Variants in PRKG1 observed in about 807,000 individuals in gnomAD.
PRKG1 encodes the protein protein kinase cGMP-dependent 1.
PRKG1 carries 35 observed loss-of-function variants against 88.1 expected under a neutral mutation model. The observed-to-expected ratio is 0.40, with a 90% CI of 0.30 to 0.53. The LOEUF is 0.53. Ranked by LOEUF, PRKG1 falls within the 20% of genes least tolerant of loss-of-function variation. PRKG1 has a pLI of 0.59. For missense variants in PRKG1, 540 were observed against 839.8 expected, an observed-to-expected ratio of 0.64 and a Z score of 4.41; for synonymous variants, 303 against 292.5, an observed-to-expected ratio of 1.04 and a Z score of -0.37.
In PRKG1 at chr10:51,627,990, T is replaced by TTC. The variant is rs1304960390; in HGVS notation, c.592+160174_592+160175dup. Among the ~76,000 whole-genome samples, 19 of 36,206 alleles carry TTC rather than the reference T, an allele frequency of 5.2e-4. No homozygotes were observed. In the East Asian group the frequency reaches 9.0e-3, roughly 17 times the overall value. The allele number at this position is 36,206 out of a possible 152,430, so 23.8% of individuals were successfully genotyped here. A position where few individuals can be genotyped will look rare whatever the true frequency, so the allele number is the denominator to read the frequency against. ...TCTTTCTCTTTCTTTCTTTCTTTCT[T>TTC]TCTCTCTCTCTCTCTCTCTCTTTCT... On this transcript the variant is annotated intron_variant, in intron 3 of 17. Transcript: ENST00000373980.
chr10:51,465,217 A>C (rs928850763), intron 2 of PRKG1, among the ~76,000 whole-genome samples: 2 of 152,130 alleles, frequency 1.3e-5, no homozygotes, highest in African/African-American at 2.4e-5. Flanking sequence ...TCCTTTAAGA[A>C]ACCACTGAGC....
At chr10:51,035,102 G>A (rs553800941) in intron 1 of PRKG1, among the ~76,000 whole-genome samples, 7 of 152,128 alleles carry the variant, frequency 4.6e-5, no homozygotes, top group South Asian at 4.2e-4. Context: ...AAGTATACAC[G>A]GTCATGGGGT....
chr10:51,881,137 T>C (rs1260588644), intron 4 of PRKG1, among the ~76,000 whole-genome samples: 4 of 151,812 alleles, frequency 2.6e-5, no homozygotes, highest in African/African-American at 9.7e-5. Flanking sequence ...ATTTGAGAAT[T>C]GAAAAGATCA....
chr10:51,233,055 C>A (rs1232833661), intron 2 of PRKG1, among the ~76,000 whole-genome samples: 4 of 152,084 alleles, frequency 2.6e-5, no homozygotes, highest in Admixed American at 2.6e-4. Flanking sequence ...GTGTAGGTGA[C>A]CATGCTGAGA....
chr10:51,596,121 G>A (rs1340770090), intron 3 of PRKG1, among the ~76,000 whole-genome samples: 1 of 152,036 alleles, frequency 6.6e-6, no homozygotes, highest in Non-Finnish European at 1.5e-5. Flanking sequence ...GAGTCACCTC[G>A]CCTGGCCCTT....
intron 9 of PRKG1, among the ~76,000 whole-genome samples, chr10:52,222,513 G>A (rs1840272507): frequency 6.6e-6 from 1 of 152,086 alleles, no homozygotes; most frequent in Non-Finnish European, 1.5e-5. Context: ...TGAGAATATG[G>A]GATTTTCTAG....
At chr10:52,113,088 T>C (rs777558986) in intron 7 of PRKG1, among the ~76,000 whole-genome samples, 1 of 152,156 alleles carries the variant, frequency 6.6e-6, no homozygotes, top group Non-Finnish European at 1.5e-5. Flanking sequence ...AGTAACTAAA[T>C]GATAGTGTTC....
At chr10:52,194,474 G>A (rs1278593164) in intron 9 of PRKG1, among the ~76,000 whole-genome samples, 2 of 152,086 alleles carry the variant, frequency 1.3e-5, no homozygotes, top group East Asian at 1.9e-4. Context: ...GGATTAGTAA[G>A]AACTTAAAAA....
chr10:51,976,844 AG>A (rs1843849653), intron 5 of PRKG1, among the ~76,000 whole-genome samples: 1 of 152,050 alleles, frequency 6.6e-6, no homozygotes, highest in Non-Finnish European at 1.5e-5. Flanking sequence ...TTTTTAATTA[AG>A]TTATGACCTG....
At chr10:51,144,254 AAGTGGAATAATTTATTCAAATTGTC>A (rs1845887665) in intron 1 of PRKG1, among the ~76,000 whole-genome samples, 2 of 152,254 alleles carry the variant, frequency 1.3e-5, no homozygotes, top group Admixed American at 1.3e-4. Flanking sequence ...GGATTTTTAT[AAGTGGAATAATTTATTCAAATTGTC>A]AGTGAAATTA....
chr10:51,074,762 C>T lies in PRKG1; in HGVS notation c.172C>T (p.Gln58Ter). The change falls in exon 1 of 18, where the codon CAG becomes TAG. Residue 58 changes from glutamine to a stop codon, truncating the protein, a stop_gained. Coordinates refer to ENST00000373980, the MANE Select transcript of PRKG1 (RefSeq NM_006258.4). LOFTEE classifies it high-confidence loss of function. The part of the protein sequence containing the change: ...KYRSVIRPAT[Q>*]QAQKQSASTL... ...CCGCTCGGTGATCCGACCAGCCACC[C>T]AGCAGGCGCAGAAGCAGAGCGCGAG... The T allele has an allele frequency of 6.2e-7, 1 of 1,614,054 alleles. No homozygotes were observed. Among genetic ancestry groups the T allele is most frequent in the Non-Finnish European group, 8.5e-7 (1 of 1,179,974 alleles).
At chr10:52,012,017 T>A (rs1844897026) in intron 5 of PRKG1, among the ~76,000 whole-genome samples, 1 of 152,160 alleles carries the variant, frequency 6.6e-6, no homozygotes. Context: ...ATAAACCTCT[T>A]TTCTTTTGTA....
intron 4 of PRKG1, among the ~76,000 whole-genome samples, chr10:51,819,676 T>C (rs1437983054): frequency 6.6e-6 from 1 of 152,130 alleles, no homozygotes; most frequent in African/African-American, 2.4e-5. Flanking sequence ...GGGGAGTAAG[T>C]GACCCTCTAG....
intron 5 of PRKG1, among the ~76,000 whole-genome samples, chr10:52,021,813 C>G (rs1490377614): frequency 6.6e-6 from 1 of 152,144 alleles, no homozygotes; most frequent in South Asian, 2.1e-4. Context: ...ACAATGTAAC[C>G]TAATGAATTA....
intron 2 of PRKG1, among the ~76,000 whole-genome samples, chr10:51,222,894 A>G (rs1006692223): frequency 2.6e-5 from 4 of 152,160 alleles, no homozygotes; most frequent in African/African-American, 9.7e-5. Context: ...ATACATATGT[A>G]TACATTCTAC....
chr10:51,806,580 C>T lies in PRKG1; in HGVS notation c.698+1890C>T, dbSNP rs1441346538. Among the ~76,000 whole-genome samples the T allele has an allele frequency of 2.0e-5, 3 of 152,186 alleles. No homozygotes were observed. In the East Asian group the frequency reaches 5.8e-4, roughly 29 times the overall value. ...GCTACTCCATAAAACATCAAGTTCA[C>T]ATTGTTTGTGAACATAGGACTGGGC... On this transcript the variant is annotated intron_variant, in intron 4 of 17. Coordinates refer to ENST00000373980, the MANE Select transcript of PRKG1 (RefSeq NM_006258.4).
At chr10:51,644,886 C>T (rs1329454516) in intron 3 of PRKG1, among the ~76,000 whole-genome samples, 2 of 152,152 alleles carry the variant, frequency 1.3e-5, no homozygotes, top group African/African-American at 2.4e-5. Context: ...CTTCTGGGTT[C>T]AAGCGATTCT....
intron 7 of PRKG1, among the ~76,000 whole-genome samples, chr10:52,076,782 C>T (rs1846639242): frequency 6.6e-6 from 1 of 152,064 alleles, no homozygotes; most frequent in African/African-American, 2.4e-5. Flanking sequence ...ATTATTTGAA[C>T]AGATATTTCA....
chr10:52,151,393 G>GTC (rs1253632080), intron 8 of PRKG1, among the ~76,000 whole-genome samples: 1 of 151,898 alleles, frequency 6.6e-6, no homozygotes, highest in African/African-American at 2.4e-5. Flanking sequence ...TCACAAAATG[G>GTC]TCTTAAAATT....
Sources: gnomAD v4.1 joint callset for allele counts (sites outside exome capture counted in the v4.1 genomes callset) on GRCh38, gnomAD v4.1.1 for gene constraint, MANE v1.5 for transcripts, NCBI Gene and HGNC (gene_info 2026-07-23, HGNC 2026-07-21) for gene names.